Variants in FBXL7 observed in about 807,000 individuals in gnomAD.
FBXL7 encodes F-box and leucine rich repeat protein 7.
In FBXL7, 12 loss-of-function variants were observed where a neutral mutation model predicts 38.3. The observed-to-expected ratio is 0.31, with a 90% CI of 0.20 to 0.51. The LOEUF (loss-of-function observed/expected upper bound fraction) is 0.51. Ranked by LOEUF, FBXL7 falls within the 20% of genes least tolerant of loss-of-function variation. The pLI is 0.98. For synonymous variants in FBXL7, 297 were observed against 300.9 expected, an observed-to-expected ratio of 0.99 and a Z score of 0.13; for missense variants, 567 against 676.4, an observed-to-expected ratio of 0.84 and a Z score of 1.79.
At chr5:15,832,490 A>G (rs573880085) in intron 2 of FBXL7, among the ~76,000 whole-genome samples, 2 of 152,336 alleles carry the variant, frequency 1.3e-5, no homozygotes, top group East Asian at 3.9e-4. Context: ...AAATGTGACT[A>G]AAAACATCTT....
intron 1 of FBXL7, among the ~76,000 whole-genome samples, chr5:15,580,380 G>A (rs1206853901): frequency 6.6e-6 from 1 of 152,166 alleles, no homozygotes; most frequent in Non-Finnish European, 1.5e-5. Context: ...AAGTGAGTGA[G>A]GAGGCTGCCT....
chr5:15,588,189 ACTGT>A (rs1739356330), intron 1 of FBXL7, among the ~76,000 whole-genome samples: 1 of 152,192 alleles, frequency 6.6e-6, no homozygotes, highest in Admixed American at 6.5e-5. Flanking sequence ...TTGTGGAGAC[ACTGT>A]CTGGTGATTT....
At chr5:15,879,213 C>T (rs948058795) in intron 2 of FBXL7, among the ~76,000 whole-genome samples, 2 of 152,176 alleles carry the variant, frequency 1.3e-5, no homozygotes, top group Admixed American at 6.5e-5. Flanking sequence ...AAACTGGAAG[C>T]CCAGCATTTA....
intron 2 of FBXL7, among the ~76,000 whole-genome samples, chr5:15,786,329 C>A (rs764900344): frequency 6.6e-6 from 1 of 151,692 alleles, no homozygotes; most frequent in Non-Finnish European, 1.5e-5. Flanking sequence ...ATAGAACTTG[C>A]CATGATTGGG....
chr5:15,754,157 T>C (rs957880081), intron 2 of FBXL7, among the ~76,000 whole-genome samples: 1 of 152,210 alleles, frequency 6.6e-6, no homozygotes, highest in South Asian at 2.1e-4. Flanking sequence ...GAGCACACTT[T>C]GAGAATCACT....
intron 2 of FBXL7, among the ~76,000 whole-genome samples, chr5:15,665,219 A>T (rs571950582): frequency 1.3e-5 from 2 of 152,116 alleles, no homozygotes; most frequent in Non-Finnish European, 2.9e-5. Flanking sequence ...TTCTCCTTCC[A>T]TACCCCCCAA....
intron 2 of FBXL7, among the ~76,000 whole-genome samples, chr5:15,843,085 C>G (rs1579511347): frequency 6.6e-6 from 1 of 152,076 alleles, no homozygotes; most frequent in Non-Finnish European, 1.5e-5. Context: ...TTAGGTGATT[C>G]TCTATATAAT....
chr5:15,897,151 TA>T (rs1372235114), intron 2 of FBXL7, among the ~76,000 whole-genome samples: 1 of 152,220 alleles, frequency 6.6e-6, no homozygotes, highest in South Asian at 2.1e-4. Context: ...TATACGTATA[TA>T]TTTTTTTTTC....
intron 2 of FBXL7, among the ~76,000 whole-genome samples, chr5:15,780,190 G>T (rs557190463): frequency 2.6e-5 from 4 of 152,128 alleles, no homozygotes; most frequent in African/African-American, 9.7e-5. Context: ...AGCAAGATTA[G>T]TGGTAAATAT....
chr5:15,697,613 C>A (rs1274215740), intron 2 of FBXL7, among the ~76,000 whole-genome samples: 1 of 151,756 alleles, frequency 6.6e-6, no homozygotes, highest in Admixed American at 6.6e-5. Flanking sequence ...GGAGTGAGAA[C>A]AGAATGATGG....
chr5:15,820,699 CA>C (rs963856045), intron 2 of FBXL7, among the ~76,000 whole-genome samples: 1 of 151,972 alleles, frequency 6.6e-6, no homozygotes, highest in Non-Finnish European at 1.5e-5. Flanking sequence ...TTCTCCGCAT[CA>C]AAAAAATGAC....
chr5:15,664,564 C>A (rs12055198), intron 2 of FBXL7, among the ~76,000 whole-genome samples: 2 of 149,620 alleles, frequency 1.3e-5, no homozygotes, highest in Non-Finnish European at 3.0e-5. Context: ...CTCCGCCTCC[C>A]GGGTTCAAGT....
chr5:15,576,072 C>CT (rs35832237), intron 1 of FBXL7, among the ~76,000 whole-genome samples: 1,439 of 74,292 alleles, frequency 0.019, 163 homozygotes, highest in African/African-American at 0.049. Flanking sequence ...GAATCTCATT[C>CT]TTTTTTTTTT....
chr5:15,786,589 A>G (rs1449258551), intron 2 of FBXL7, among the ~76,000 whole-genome samples: 1 of 152,238 alleles, frequency 6.6e-6, no homozygotes, highest in Non-Finnish European at 1.5e-5. Flanking sequence ...CAGAAATGTA[A>G]TAGTACACCA....
At chr5:15,628,516 T>G (rs1740891454) in intron 2 of FBXL7, among the ~76,000 whole-genome samples, 1 of 152,200 alleles carries the variant, frequency 6.6e-6, no homozygotes, top group Admixed American at 6.5e-5. Context: ...GAAATCAGTT[T>G]AGGGCTGAAT....
intron 2 of FBXL7, among the ~76,000 whole-genome samples, chr5:15,674,944 C>T (rs1293999138): frequency 1.3e-5 from 2 of 152,186 alleles, no homozygotes; most frequent in Non-Finnish European, 2.9e-5. Context: ...ATTCACAGCA[C>T]TGCAGACATG....
Position 15,936,390 on chromosome 5 carries a change from C to T in FBXL7, c.740-60C>T, listed in dbSNP as rs1742185438. ...GGGTCAGGAATGCCCCAGGGCATCC[C>T]CAGGCGTGGCTCCCCTGCTGGCAGG... On this transcript the variant is annotated intron_variant, in intron 3 of 3. Transcript: ENST00000504595. This position sits in a 1 kb window ranked among gnomAD's most constrained non-coding sequence, Gnocchi z 6.0. 2 of 1,561,478 alleles carry T rather than the reference C, an allele frequency of 1.3e-6. No individual in the cohort carries two copies. Among genetic ancestry groups the T allele is most frequent in the Non-Finnish European group, 1.7e-6 (2 of 1,154,200 alleles).
intron 2 of FBXL7, among the ~76,000 whole-genome samples, chr5:15,656,668 C>T (rs961778000): frequency 6.7e-6 from 1 of 150,204 alleles, no homozygotes; most frequent in Non-Finnish European, 1.5e-5. Context: ...AACCATATCA[C>T]AAGAAAACAT....
intron 2 of FBXL7, among the ~76,000 whole-genome samples, chr5:15,643,489 A>T (rs890752228): frequency 6.6e-6 from 1 of 152,206 alleles, no homozygotes; most frequent in Non-Finnish European, 1.5e-5. Flanking sequence ...ATGGAACAAC[A>T]TGTGGAAACC....
Sources: gnomAD v4.1 joint callset for allele counts (sites outside exome capture counted in the v4.1 genomes callset) on GRCh38, gnomAD v4.1.1 for gene constraint, Gnocchi (gnomAD v3.1) non-coding constraint, MANE v1.5 for transcripts, NCBI Gene and HGNC (gene_info 2026-07-23, HGNC 2026-07-21) for gene names.